WDR89: variants seen among roughly 807,000 people sequenced by gnomAD.
The protein encoded by WDR89 is WD repeat domain 89, also known as WD repeat-containing protein 89.
In WDR89, 17 loss-of-function variants were observed where a neutral mutation model predicts 29.1. That is an observed-to-expected ratio of 0.58 (90% confidence interval 0.40 to 0.88). WDR89 has a LOEUF of 0.88. Among genes scored for constraint, WDR89 ranks in the 40% least tolerant of loss-of-function variants. The probability of loss-of-function intolerance (pLI) is 0.00; values close to 1 mark genes in which losing one functional copy is unlikely to be tolerated. For synonymous variants in WDR89, 138 were observed against 157.8 expected, an observed-to-expected ratio of 0.87 and a Z score of 0.94; for missense variants, 396 against 456.3, an observed-to-expected ratio of 0.87 and a Z score of 1.20.
intron 1 of WDR89, among the ~76,000 whole-genome samples, chr14:63,632,520 C>T (rs1188714587): frequency 6.6e-6 from 1 of 152,050 alleles, no homozygotes; most frequent in African/African-American, 2.4e-5. Flanking sequence ...GTAGTCTCAG[C>T]TACTAGGGAG....
chr14:63,617,945 A>C (rs967131086), intron 2 of WDR89: 3 of 152,224 alleles, frequency 2.0e-5, no homozygotes, highest in African/African-American at 4.8e-5. Context: ...AGAAGTAAGA[A>C]TACTACTTAT....
intron 2 of WDR89, among the ~76,000 whole-genome samples, chr14:63,609,307 T>C (rs1595021247): frequency 2.6e-5 from 4 of 152,182 alleles, no homozygotes; most frequent in Admixed American, 6.6e-5. Flanking sequence ...CTACGATTCT[T>C]ACAGCTGTTC....
chr14:63,633,582 C>T (rs1270396674), intron 1 of WDR89, among the ~76,000 whole-genome samples: 2 of 152,212 alleles, frequency 1.3e-5, no homozygotes, highest in East Asian at 1.9e-4. Flanking sequence ...AAAAGGACTA[C>T]GTTGAAATAG....
intron 2 of WDR89, among the ~76,000 whole-genome samples, chr14:63,611,335 C>CAAAAA (rs769975882): frequency 8.7e-5 from 2 of 22,924 alleles, no homozygotes; most frequent in Admixed American, 5.8e-4. Context: ...GGCCCTGTCG[C>CAAAAA]AAAAAAAAAA....
intron 2 of WDR89, among the ~76,000 whole-genome samples, chr14:63,602,270 G>T (rs944728302): frequency 6.6e-6 from 1 of 151,846 alleles, no homozygotes; most frequent in African/African-American, 2.4e-5. Flanking sequence ...TCAGGAGTTC[G>T]AGACCAGTCT....
Position 63,598,889 on chromosome 14 carries a change from C to G in WDR89, c.1054G>C (p.Ala352Pro). ...TTCTTTGTAAAGGTCTTCTCTATAG[C>G]TCCAGGTTTCCAAAGTAACAACTGT... ...DAQLLLWKPG[A>P]IEKTFTKKES... Residue 352 changes from alanine (A) to proline (P), a missense_variant, in exon 3 of 3, where the codon GCT becomes CCT. Coordinates refer to ENST00000620954, the MANE Select transcript of WDR89 (RefSeq NM_080666.4). 2 of 1,614,176 alleles carry G rather than the reference C, an allele frequency of 1.2e-6. No homozygotes were observed. The highest frequency in any genetic ancestry group is 1.7e-6 in the Non-Finnish European group (2 of 1,180,020).
rs530805270 is a variant in WDR89, at chr14:63,610,862, T to C, written c.-31-10889A>G. Among the ~76,000 whole-genome samples the C allele has an allele frequency of 1.5e-3, 235 of 152,008 alleles. 2 individuals are homozygous for C. The highest frequency in any genetic ancestry group is 1.5e-3 in the Non-Finnish European group (100 of 67,948). The stretch of plus-strand genomic sequence containing the variant: ...GATTACAGGTATGCACCACCACACC[T>C]GGCTAATTTTTGTATTTCTAGTACA... On this transcript the variant is annotated intron_variant, in intron 2 of 2. Coordinates refer to ENST00000620954, the MANE Select transcript of WDR89 (RefSeq NM_080666.4).
chr14:63,641,406 G>A (rs1476630569), intron 1 of WDR89: 2 of 152,224 alleles, frequency 1.3e-5, no homozygotes, highest in East Asian at 3.9e-4. Flanking sequence ...CTGCTTTCTG[G>A]CCTACAAAAG....
chr14:63,630,962 T>G (rs1181053496), intron 1 of WDR89, among the ~76,000 whole-genome samples: 1 of 152,106 alleles, frequency 6.6e-6, no homozygotes, highest in Non-Finnish European at 1.5e-5. Flanking sequence ...ATTTTTTTTG[T>G]AGACACAAGG....
chr14:63,634,029 G>A (rs1051987599), intron 1 of WDR89, among the ~76,000 whole-genome samples: 2 of 152,158 alleles, frequency 1.3e-5, no homozygotes, highest in African/African-American at 2.4e-5. Context: ...TACGAGAACT[G>A]TAAAAAATCA....
chr14:63,622,888 T>C (rs548798068), intron 2 of WDR89, among the ~76,000 whole-genome samples: 25 of 152,226 alleles, frequency 1.6e-4, no homozygotes, highest in African/African-American at 4.1e-4. Context: ...TATTCGAAGC[T>C]AGATTTTAAC....
intron 2 of WDR89, among the ~76,000 whole-genome samples, chr14:63,610,709 T>TC (rs1380868752): frequency 2.0e-5 from 3 of 149,062 alleles, no homozygotes; most frequent in African/African-American, 7.4e-5. Flanking sequence ...TTTCTTTTTT[T>TC]TTTTTTTTTT....
intron 1 of WDR89, among the ~76,000 whole-genome samples, chr14:63,634,662 G>A (rs188398714): frequency 6.6e-6 from 1 of 152,004 alleles, no homozygotes; most frequent in Admixed American, 6.6e-5. Context: ...CTAAGATCAG[G>A]AGTTTGAGAC....
chr14:63,602,855 T>G (rs778219187), intron 2 of WDR89, among the ~76,000 whole-genome samples: 1 of 151,972 alleles, frequency 6.6e-6, no homozygotes. Flanking sequence ...GAGCTCCAAA[T>G]AGCACAATTA....
intron 1 of WDR89, among the ~76,000 whole-genome samples, chr14:63,626,135 A>G (rs956265806): frequency 1.3e-5 from 2 of 152,138 alleles, no homozygotes; most frequent in Non-Finnish European, 2.9e-5. Flanking sequence ...CACAGGTGTG[A>G]GCCACCACAC....
intron 2 of WDR89, among the ~76,000 whole-genome samples, chr14:63,610,219 TAAA>T (rs56984803): frequency 6.1e-5 from 4 of 65,306 alleles, no homozygotes; most frequent in African/African-American, 2.2e-4. Flanking sequence ...GACTCTGTCT[TAAA>T]AAAAAAAAAA....
intron 2 of WDR89, among the ~76,000 whole-genome samples, chr14:63,621,138 T>C (rs1882669750): frequency 6.6e-6 from 1 of 152,188 alleles, no homozygotes; most frequent in African/African-American, 2.4e-5. Context: ...CCTTCTATAT[T>C]GCTGGTGGGA....
intron 2 of WDR89, chr14:63,618,001 G>A (rs529826903): frequency 6.6e-6 from 1 of 152,282 alleles, no homozygotes; most frequent in African/African-American, 2.4e-5. Flanking sequence ...AATTCTAGGT[G>A]GTGATTATGC....
At chr14:63,619,165 A>G (rs1882511042) in intron 2 of WDR89, among the ~76,000 whole-genome samples, 1 of 152,182 alleles carries the variant, frequency 6.6e-6, no homozygotes, top group Non-Finnish European at 1.5e-5. Flanking sequence ...GCCTGCTGGG[A>G]CTGAGTGGAG....
Sources: gnomAD v4.1 joint callset for allele counts (sites outside exome capture counted in the v4.1 genomes callset) on GRCh38, gnomAD v4.1.1 for gene constraint, MANE v1.5 for transcripts, NCBI Gene and HGNC (gene_info 2026-07-23, HGNC 2026-07-21) for gene names.